Variants in SLC7A6 observed in about 807,000 individuals in gnomAD.
SLC7A6 encodes the protein solute carrier family 7 member 6.
Under a neutral mutation model 46.6 loss-of-function variants are expected in SLC7A6, and 29 were observed. That is an observed-to-expected ratio of 0.62 (90% CI 0.46 to 0.85). SLC7A6 has a LOEUF of 0.85. SLC7A6 is among the 40% of genes least tolerant of loss of function. The probability of loss-of-function intolerance (pLI) is 0.00; values close to 1 mark genes in which losing one functional copy is unlikely to be tolerated. For missense variants in SLC7A6, 527 were observed against 647.6 expected (o/e 0.81, Z 2.02); for synonymous variants, 276 against 257.3 (o/e 1.07, Z -0.70).
Position 68,300,794 on chromosome 16 carries a change from A to T in SLC7A6, c.*3466A>T, listed in dbSNP as rs2043256468. The T allele has an allele frequency of 8.1e-6, 8 of 985,466 alleles. No individual in the cohort carries two copies. Among genetic ancestry groups the T allele is most frequent in the Non-Finnish European group, 9.6e-6 (8 of 830,086 alleles). The allele number at this position is 985,466 out of a possible 1,614,324, so 61.0% of individuals were successfully genotyped here. A position where few individuals can be genotyped will look rare whatever the true frequency, so the allele number is the denominator to read the frequency against. ...CAGACTACTTTCTGCCCTAATGGCC[A>T]TTACTATCCAGTCTGTATTGCTACA... On this transcript the variant is annotated 3_prime_UTR_variant, in exon 11 of 11. Transcript: ENST00000219343.
chr16:68,270,966 C>A (rs192879512), intron 2 of SLC7A6, among the ~76,000 whole-genome samples: 55 of 151,102 alleles, frequency 3.6e-4, no homozygotes, highest in Admixed American at 2.0e-3. Context: ...TCAAGAAATA[C>A]TCCCACCTTG....
At chr16:68,290,834 T>C in intron 5 of SLC7A6, 1 of 490,222 alleles carries the variant, frequency 2.0e-6, no homozygotes, top group South Asian at 2.2e-5. Context: ...CCTCGGACTC[T>C]GGTGCTGACA....
chr16:68,286,303 G>C (rs1425183157), intron 3 of SLC7A6, among the ~76,000 whole-genome samples: 1 of 152,036 alleles, frequency 6.6e-6, no homozygotes, highest in Non-Finnish European at 1.5e-5. Context: ...AGCTCAGAGA[G>C]GGGTGGGGTG....
At chr16:68,285,490 T>G (rs1390820042) in intron 3 of SLC7A6, among the ~76,000 whole-genome samples, 1 of 152,180 alleles carries the variant, frequency 6.6e-6, no homozygotes, top group African/African-American at 2.4e-5. Context: ...AGCATGCATT[T>G]CTTTGGGCTG....
At position 68,300,902 on chromosome 16, in the gene SLC7A6, G is replaced by T; in HGVS notation, c.*3574G>T. ...GCAGGCAGCCTGGTGGTATGGCACA[G>T]CAGAAGCTTACTGCTAATGAAATGG... is the stretch of plus-strand genomic sequence containing the variant. On this transcript the variant is annotated 3_prime_UTR_variant, in exon 11 of 11. Transcript: ENST00000219343. The T allele has an allele frequency of 1.0e-6, 1 of 995,542 alleles. No individual in the cohort carries two copies. The highest frequency in any genetic ancestry group is 1.2e-6 in the Non-Finnish European group (1 of 836,410). The allele number at this position is 995,542 out of a possible 1,614,324, so 61.7% of individuals were successfully genotyped here. A position where few individuals can be genotyped will look rare whatever the true frequency, so the allele number is the denominator to read the frequency against.
At chr16:68,290,666 C>T in intron 5 of SLC7A6, 126 bp downstream of exon 5, 3 of 1,179,886 alleles carry the variant, frequency 2.5e-6, no homozygotes, top group Middle Eastern at 2.0e-4. Flanking sequence ...ACTCCCCCTT[C>T]TCCAGCTAGG....
chr16:68,287,374 T>C, intron 3 of SLC7A6: 1 of 1,295,528 alleles, frequency 7.7e-7, no homozygotes, highest in Non-Finnish European at 1.0e-6. Context: ...GAGTTTCTTT[T>C]GGCCATGAAG....
chr16:68,290,853 C>G (rs561443699), intron 5 of SLC7A6: 1 of 479,570 alleles, frequency 2.1e-6, no homozygotes. Flanking sequence ...CACTACAGCC[C>G]GCAGAACCAA....
rs556504705 is a variant in SLC7A6 at position 68,300,938 on chromosome 16, C to A, written c.*3610C>A. The A allele has an allele frequency of 1.9e-4, 195 of 1,008,026 alleles. No homozygotes were observed. Among genetic ancestry groups the A allele is most frequent in the Middle Eastern group, 4.9e-4 (1 of 2,024 alleles). 62.4% of individuals were successfully genotyped at this position (1,008,026 alleles called of 1,614,324 possible). The stretch of plus-strand genomic sequence containing the variant: ...CTGCTAATGAAATGGGAACCTCCCC[C>A]TCCCTTGTGGTTTCAGCACAGAACC... On this transcript the variant is annotated 3_prime_UTR_variant, in exon 11 of 11. Coordinates refer to ENST00000219343, the MANE Select transcript of SLC7A6 (RefSeq NM_003983.6).
At position 68,301,012 on chromosome 16, in the gene SLC7A6, C is replaced by A; in HGVS notation, c.*3684C>A. 1 of 1,120,794 alleles carries A rather than the reference C, an allele frequency of 8.9e-7. No homozygotes were observed. Among genetic ancestry groups the A allele is most frequent in the Non-Finnish European group, 1.1e-6 (1 of 918,324 alleles). 69.4% of individuals were successfully genotyped at this position (1,120,794 alleles called of 1,614,324 possible). On this transcript the variant is annotated 3_prime_UTR_variant, in exon 11 of 11. Transcript: ENST00000219343. ...GCCAAGAAGCTAAAGCTAAAGAAAC[C>A]TTCCTTTTTTCAACGTTTTTTTTTC...
chr16:68,298,879 T>C lies in SLC7A6; in HGVS notation c.*1551T>C, dbSNP rs2043220319. 6.5e-6 allele frequency: 1 copy of C among 152,716 alleles called. No homozygotes were observed. The highest frequency in any genetic ancestry group is 1.5e-5 in the Non-Finnish European group (1 of 68,094). 9.5% of individuals were successfully genotyped at this position (152,716 alleles called of 1,614,324 possible). On this transcript the variant is annotated 3_prime_UTR_variant, in exon 11 of 11. Coordinates refer to ENST00000219343, the MANE Select transcript of SLC7A6 (RefSeq NM_003983.6). The stretch of plus-strand genomic sequence containing the variant: ...GAACCTGCTAGCTTGACATACCCCA[T>C]GGGCTTATCCTTAGGTTTTGGAATT...
At chr16:68,267,889 A>G (rs1349733346) in intron 2 of SLC7A6, among the ~76,000 whole-genome samples, 1 of 152,144 alleles carries the variant, frequency 6.6e-6, no homozygotes, top group Non-Finnish European at 1.5e-5. Flanking sequence ...TTAATCACTC[A>G]TGCCTATGTA....
At position 68,301,127 on chromosome 16, in the gene SLC7A6, G is replaced by A; in HGVS notation, c.*3799G>A. The A allele has an allele frequency of 7.1e-7, 1 of 1,415,124 alleles. No homozygotes were observed. The allele number at this position is 1,415,124 out of a possible 1,614,324, so 87.7% of individuals were successfully genotyped here. Reference sequence around the variant, plus strand: ...CTCCCCTAACATAAGTTTTCACTGTGGTGGGATGGTGCCGCCCGATATGCT... The same window carrying A: ...CTCCCCTAACATAAGTTTTCACTGTAGTGGGATGGTGCCGCCCGATATGCT... On this transcript the variant is annotated 3_prime_UTR_variant, in exon 11 of 11. Transcript: ENST00000219343.
At position 68,299,389 on chromosome 16, in the gene SLC7A6, CTCCTT is replaced by C. The variant is rs1165554504; in HGVS notation, c.*2064_*2068del. 1 of 152,634 alleles carries C rather than the reference CTCCTT, an allele frequency of 6.6e-6. No homozygotes were observed. The highest frequency in any genetic ancestry group is 6.5e-5 in the Admixed American group (1 of 15,268). The allele number at this position is 152,634 out of a possible 1,614,324, so 9.5% of individuals were successfully genotyped here. ...TACTTGCTTAGTGAGCCATGTCATCCTCCTTTCATTTTTGGATGGTGACAGCATTT... is the reference window on the plus strand; with the variant it reads ...TACTTGCTTAGTGAGCCATGTCATCCTCATTTTTGGATGGTGACAGCATTT... On this transcript the variant is annotated 3_prime_UTR_variant, in exon 11 of 11. Transcript: ENST00000219343.
chr16:68,278,104 G>A (rs1035769168), intron 3 of SLC7A6, among the ~76,000 whole-genome samples: 26 of 151,482 alleles, frequency 1.7e-4, no homozygotes, highest in Admixed American at 1.1e-3. Context: ...ATATAGGTGC[G>A]CACCACCATG....
intron 3 of SLC7A6, among the ~76,000 whole-genome samples, chr16:68,279,162 C>G (rs1340759624): frequency 1.7e-5 from 2 of 114,750 alleles, no homozygotes; most frequent in African/African-American, 7.7e-5. Context: ...AAAGCAAGAC[C>G]CCACCTCTAA....
At chr16:68,282,047 T>C (rs1024599922) in intron 3 of SLC7A6, among the ~76,000 whole-genome samples, 1 of 152,170 alleles carries the variant, frequency 6.6e-6, no homozygotes, top group Non-Finnish European at 1.5e-5. Context: ...TGAGTATCCA[T>C]TGTTTCCATG....
chr16:68,280,324 T>C (rs2042807009), intron 3 of SLC7A6, among the ~76,000 whole-genome samples: 2 of 152,192 alleles, frequency 1.3e-5, no homozygotes, highest in Non-Finnish European at 2.9e-5. Context: ...TTCTAGACAC[T>C]TCCATCCTAG....
At chr16:68,277,613 G>A (rs2042737569) in intron 3 of SLC7A6, among the ~76,000 whole-genome samples, 1 of 150,118 alleles carries the variant, frequency 6.7e-6, no homozygotes, top group Non-Finnish European at 1.5e-5. Context: ...GCCCGGCCTT[G>A]TATTATTTTT....
Sources: gnomAD v4.1 joint callset for allele counts (sites outside exome capture counted in the v4.1 genomes callset) on GRCh38, gnomAD v4.1.1 for gene constraint, MANE v1.5 for transcripts, NCBI Gene and HGNC (gene_info 2026-07-23, HGNC 2026-07-21) for gene names.